LHX4: variants seen among roughly 807,000 people sequenced by gnomAD.
The protein encoded by LHX4 is LIM homeobox 4, also known as LIM/homeobox protein Lhx4.
Under a neutral mutation model 39.2 loss-of-function variants are expected in LHX4, and 16 were observed. The ratio of observed to expected loss-of-function variants is 0.41; its 90% CI spans 0.28 to 0.62. The LOEUF is 0.62. Ranked by LOEUF, LHX4 falls within the 20% of genes least tolerant of loss-of-function variation. The pLI is 0.33. For synonymous variants in LHX4, 206 were observed against 198.1 expected (o/e 1.04, Z -0.33); for missense variants, 439 against 511.9 (o/e 0.86, Z 1.37).
At chr1:180,231,072 C>G (rs1436403581) in intron 1 of LHX4, among the ~76,000 whole-genome samples, 3 of 152,164 alleles carry the variant, frequency 2.0e-5, no homozygotes, top group East Asian at 3.9e-4. Context: ...GGAGAAGCCC[C>G]GGCCACACTC....
intron 1 of LHX4, among the ~76,000 whole-genome samples, chr1:180,243,074 C>T (rs1288198289): frequency 1.3e-5 from 2 of 152,092 alleles, no homozygotes; most frequent in South Asian, 2.1e-4. Flanking sequence ...CTGCAATTTC[C>T]ACCTCCTGGG....
chr1:180,278,398 A>C lies in LHX4; in HGVS notation c.*3819A>C, dbSNP rs1480279628. On this transcript the variant is annotated 3_prime_UTR_variant, in exon 6 of 6. Transcript: ENST00000263726. The stretch of plus-strand genomic sequence containing the variant: ...TTGCAGTAGTTGCTCCAACTGTTCT[A>C]AACAGTGAGTGACTGGAGCCAAAAA... The C allele has an allele frequency of 6.6e-6, 1 of 152,058 alleles. No individual in the cohort carries two copies. Among genetic ancestry groups the C allele is most frequent in the Non-Finnish European group, 1.5e-5 (1 of 68,012 alleles). The allele number at this position is 152,058 out of a possible 1,614,324, so 9.4% of individuals were successfully genotyped here. A position where few individuals can be genotyped will look rare whatever the true frequency, so the allele number is the denominator to read the frequency against.
At chr1:180,258,096 G>A (rs964483620) in intron 2 of LHX4, among the ~76,000 whole-genome samples, 2 of 152,378 alleles carry the variant, frequency 1.3e-5, no homozygotes, top group Middle Eastern at 3.4e-3. Context: ...GAACAAGACG[G>A]ATAAAGACCC....
At chr1:180,261,124 G>A (rs1327674075) in intron 2 of LHX4, among the ~76,000 whole-genome samples, 1 of 151,814 alleles carries the variant, frequency 6.6e-6, no homozygotes, top group African/African-American at 2.4e-5. Flanking sequence ...GGGCACAGTG[G>A]CTCACACCTG....
intron 2 of LHX4, among the ~76,000 whole-genome samples, chr1:180,265,507 T>G (rs2764448): frequency 0.071 from 10,867 of 152,250 alleles, 540 homozygotes; most frequent in South Asian, 0.1. Flanking sequence ...ACGATACTTT[T>G]AAGTGTCAAT....
intron 2 of LHX4, among the ~76,000 whole-genome samples, chr1:180,249,078 T>A (rs1478887300): frequency 1.3e-5 from 2 of 152,252 alleles, no homozygotes; most frequent in African/African-American, 4.8e-5. Context: ...ATTGGCGGTG[T>A]GCTCTTGGGT....
At chr1:180,272,339 C>T (rs73046409) in intron 5 of LHX4, among the ~76,000 whole-genome samples, 13,995 of 152,204 alleles carry the variant, frequency 0.092, 862 homozygotes, top group Admixed American at 0.19. Context: ...GCCTTGTGCC[C>T]CTAGCCCCTC....
intron 1 of LHX4, among the ~76,000 whole-genome samples, chr1:180,237,108 C>T (rs1664338532): frequency 1.3e-5 from 2 of 152,156 alleles, no homozygotes; most frequent in South Asian, 4.1e-4. Flanking sequence ...TTCTCCTTCC[C>T]CTGTTCCCCC....
intron 3 of LHX4, among the ~76,000 whole-genome samples, chr1:180,268,056 A>G (rs1648401409): frequency 6.6e-6 from 1 of 152,166 alleles, no homozygotes; most frequent in Non-Finnish European, 1.5e-5. Context: ...CTGCAAACCC[A>G]TCCCAAGGCT....
chr1:180,230,591 G>A lies in LHX4; in HGVS notation c.62G>A (p.Gly21Asp). The A allele has an allele frequency of 6.2e-7, 1 of 1,613,742 alleles. No homozygotes were observed. The highest frequency in any genetic ancestry group is 8.5e-7 in the Non-Finnish European group (1 of 1,179,786). Residue 21 changes from glycine to aspartate, a missense_variant, in exon 1 of 6, where the codon GGT becomes GAT. Gly to Asp is a moderately conservative substitution (Grantham distance 94). Transcript: ENST00000263726. This position sits in a 1 kb window ranked among gnomAD's most constrained non-coding sequence, Gnocchi z 5.8. ...GTCAAGGGGCTCCCGGAGATGCTAG[G>A]TGTGCCGATGCAACGTAAGACACCC... ...GAVKGLPEML[G>D]VPMQQIPQCA... is the part of the protein sequence containing the mutation.
At chr1:180,240,185 TAAAC>T (rs1664415034) in intron 1 of LHX4, among the ~76,000 whole-genome samples, 1 of 152,208 alleles carries the variant, frequency 6.6e-6, no homozygotes, top group Admixed American at 6.5e-5. Flanking sequence ...CATCGTTAAA[TAAAC>T]ATTATTCCCT....
At chr1:180,251,213 C>T (rs537320306) in intron 2 of LHX4, among the ~76,000 whole-genome samples, 11 of 152,356 alleles carry the variant, frequency 7.2e-5, no homozygotes, top group African/African-American at 2.4e-4. Flanking sequence ...GCCGGCGCTC[C>T]CTTCCAGTCC....
Position 180,232,878 on chromosome 1 carries a change from C to G in LHX4, c.76+2273C>G, listed in dbSNP as rs1185406827. ...GGGCACACCCTTGGGCCTTCCGGGA[C>G]AGTAGGCTCTTAAACCCTAGAGGAG... On this transcript the variant is annotated intron_variant, in intron 1 of 5. Transcript: ENST00000263726. The surrounding 1 kb of genome is among the most constrained non-coding windows in gnomAD (Gnocchi z 5.4). Among the ~76,000 whole-genome samples the G allele has an allele frequency of 6.6e-6, 1 of 152,180 alleles. No homozygotes were observed. Among genetic ancestry groups the G allele is most frequent in the African/African-American group, 2.4e-5 (1 of 41,440 alleles).
intron 1 of LHX4, among the ~76,000 whole-genome samples, chr1:180,243,622 T>C (rs895489825): frequency 2.0e-5 from 3 of 152,068 alleles, no homozygotes; most frequent in African/African-American, 7.2e-5. Context: ...TCCTCACAAG[T>C]AGGGATGGGC....
intron 2 of LHX4, 106 bp downstream of exon 2, chr1:180,248,562 C>A: frequency 8.2e-7 from 1 of 1,224,866 alleles, no homozygotes; most frequent in Non-Finnish European, 1.2e-6. Context: ...GGAGAGTCCA[C>A]TCTGGGAGGG....
chr1:180,256,350 C>T (rs1647854698), intron 2 of LHX4, among the ~76,000 whole-genome samples: 1 of 152,184 alleles, frequency 6.6e-6, no homozygotes, highest in South Asian at 2.1e-4. Context: ...CCCATTAGAG[C>T]CAGTGTCTAG....
Position 180,230,793 on chromosome 1 carries a change from C to G in LHX4, c.76+188C>G, listed in dbSNP as rs532343503. ...GGCCAGGCTCTTGGCTGTTTGGGGC[C>G]GAATGTGAACGCCTCCTGGATCATG... is the stretch of plus-strand genomic sequence containing the variant. On this transcript the variant is annotated intron_variant, in intron 1 of 5. Transcript: ENST00000263726. This position sits in a 1 kb window ranked among gnomAD's most constrained non-coding sequence, Gnocchi z 5.8. Among the ~76,000 whole-genome samples, 2 of 152,092 alleles carry G rather than the reference C, an allele frequency of 1.3e-5. No homozygotes were observed. Among genetic ancestry groups the G allele is most frequent in the African/African-American group, 2.4e-5 (1 of 41,406 alleles).
At position 180,278,926 on chromosome 1, in the gene LHX4, G is replaced by A. The variant is rs1649209538; in HGVS notation, c.*4347G>A. The A allele has an allele frequency of 6.6e-6, 1 of 152,176 alleles. No individual in the cohort carries two copies. The highest frequency in any genetic ancestry group is 2.4e-5 in the African/African-American group (1 of 41,434). The allele number at this position is 152,176 out of a possible 1,614,324, so 9.4% of individuals were successfully genotyped here. The stretch of plus-strand genomic sequence containing the variant: ...GCGTTTGTTTGTATATGCCTCCTGT[G>A]TGTTGGCATGAGATGTGTACGGTAA... On this transcript the variant is annotated 3_prime_UTR_variant, in exon 6 of 6. Coordinates refer to ENST00000263726, the MANE Select transcript of LHX4 (RefSeq NM_033343.4).
At chr1:180,252,154 C>A (rs1647652816) in intron 2 of LHX4, among the ~76,000 whole-genome samples, 3 of 152,224 alleles carry the variant, frequency 2.0e-5, no homozygotes, top group Admixed American at 2.0e-4. Context: ...GGGCAGCCTG[C>A]TCCTCATCCC....
Sources: gnomAD v4.1 joint callset for allele counts (sites outside exome capture counted in the v4.1 genomes callset) on GRCh38, gnomAD v4.1.1 for gene constraint, Gnocchi (gnomAD v3.1) non-coding constraint, MANE v1.5 for transcripts, NCBI Gene and HGNC (gene_info 2026-07-23, HGNC 2026-07-21) for gene names.